The following CTNNA1 variants were observed in gnomAD, a reference collection of about 807,000 sequenced individuals.
The protein encoded by CTNNA1 is catenin alpha-1.
In CTNNA1, 37 loss-of-function variants were observed where a neutral mutation model predicts 98.4. The ratio of observed to expected loss-of-function variants is 0.38; its 90% CI spans 0.29 to 0.49. The LOEUF (loss-of-function observed/expected upper bound fraction) is 0.49. CTNNA1 is among the 20% of genes least tolerant of loss of function. The probability of loss-of-function intolerance (pLI) is 0.95; values close to 1 mark genes in which losing one functional copy is unlikely to be tolerated. For missense variants in CTNNA1, 761 were observed against 1,147.2 expected (o/e 0.66, Z 4.86); for synonymous variants, 404 against 413.2 (o/e 0.98, Z 0.27).
chr5:138,771,244 G>T (rs1753522354), intron 1 of CTNNA1, among the ~76,000 whole-genome samples: 1 of 151,128 alleles, frequency 6.6e-6, no homozygotes, highest in Non-Finnish European at 1.5e-5. Flanking sequence ...GTCCTTTGAT[G>T]AGTGCCTTTT....
At position 138,930,580 on chromosome 5, in the gene CTNNA1, C is replaced by T. The variant is rs567388162; in HGVS notation, c.2118C>T (p.Asp706=). Reference sequence around the variant, plus strand: ...TGGATGCTGAAGTGTCCAAATGGGACGACAGTGGCAATGACATCATTGTGC... The same window carrying T: ...TGGATGCTGAAGTGTCCAAATGGGATGACAGTGGCAATGACATCATTGTGC... ...SKLDAEVSKW[D]DSGNDIIVLA... is the part of the protein sequence containing the mutation. Residue 706 remains aspartate, a synonymous_variant, in exon 15 of 18, where the codon GAC becomes GAT. Transcript: ENST00000302763. 6.8e-6 allele frequency: 11 copies of T among 1,613,896 alleles called. No individual in the cohort carries two copies. The highest frequency in any genetic ancestry group is 2.7e-5 in the African/African-American group (2 of 74,998).
At chr5:138,872,609 C>G (rs1750778861) in intron 7 of CTNNA1, 1 of 155,846 alleles carries the variant, frequency 6.4e-6, no homozygotes, top group South Asian at 2.0e-4. Context: ...AGTTGTGGTA[C>G]ATGGGATGGA....
At chr5:138,830,394 C>A (rs1447804023) in intron 7 of CTNNA1, among the ~76,000 whole-genome samples, 5 of 152,114 alleles carry the variant, frequency 3.3e-5, no homozygotes, top group Non-Finnish European at 7.4e-5. Flanking sequence ...AAGAAATCTT[C>A]TTGAGATTTA....
intron 9 of CTNNA1, among the ~76,000 whole-genome samples, chr5:138,901,611 T>G (rs1009205634): frequency 2.6e-5 from 4 of 152,120 alleles, no homozygotes; most frequent in Admixed American, 2.0e-4. Flanking sequence ...TTTTAATGTA[T>G]AGAGATGGGG....
intron 7 of CTNNA1, among the ~76,000 whole-genome samples, chr5:138,876,324 AG>A (rs1751509000): frequency 6.6e-6 from 1 of 152,246 alleles, no homozygotes; most frequent in African/African-American, 2.4e-5. Context: ...TGCTGTTGTT[AG>A]AACCTGTCTT....
intron 1 of CTNNA1, among the ~76,000 whole-genome samples, chr5:138,761,507 G>A (rs368517164): frequency 2.6e-5 from 4 of 152,188 alleles, no homozygotes; most frequent in Non-Finnish European, 2.9e-5. Flanking sequence ...CTGGGATTGC[G>A]GGCTTTAGCC....
intron 7 of CTNNA1, among the ~76,000 whole-genome samples, chr5:138,883,058 A>G (rs1257012611): frequency 1.3e-5 from 2 of 152,076 alleles, no homozygotes; most frequent in Non-Finnish European, 2.9e-5. Flanking sequence ...GCTGAAACCA[A>G]AGGTTTCAGC....
chr5:138,755,013 C>T (rs1751470285), intron 1 of CTNNA1: 1 of 152,266 alleles, frequency 6.6e-6, no homozygotes, highest in Non-Finnish European at 1.5e-5. Context: ...CTGCCTCAGC[C>T]TCCCAAAGTG....
At chr5:138,815,551 G>T (rs934124794) in intron 5 of CTNNA1, among the ~76,000 whole-genome samples, 1 of 152,122 alleles carries the variant, frequency 6.6e-6, no homozygotes, top group African/African-American at 2.4e-5. Context: ...CCTGGTTTTG[G>T]TAACTGCTGC....
intron 1 of CTNNA1, among the ~76,000 whole-genome samples, chr5:138,764,766 T>C (rs7722965): frequency 0.74 from 112,650 of 151,814 alleles, 42,044 homozygotes; most frequent in East Asian, 0.99. Flanking sequence ...CCACTGTACC[T>C]GGCCAGATGA....
At chr5:138,759,955 G>A (rs1478279086) in intron 1 of CTNNA1, among the ~76,000 whole-genome samples, 1 of 145,092 alleles carries the variant, frequency 6.9e-6, no homozygotes, top group East Asian at 2.0e-4. Context: ...TTTAGAATCT[G>A]GAATCCTCTC....
Position 138,932,589 on chromosome 5 carries a change from G to A in CTNNA1, c.2310G>A (p.Ser770=), listed in dbSNP as rs147636961. The change falls in exon 17 of 18, where the codon TCG becomes TCA. Residue 770 remains serine (S), a synonymous_variant. Coordinates refer to ENST00000302763, the MANE Select transcript of CTNNA1 (RefSeq NM_001903.5). ...GRTIADHCPD[S]ACKQDLLAYL... ...TGCTCTCTCTTCAGTGCCCCGACTCGGCTTGCAAGCAGGACCTGCTGGCCT... is the reference window on the plus strand; with the variant it reads ...TGCTCTCTCTTCAGTGCCCCGACTCAGCTTGCAAGCAGGACCTGCTGGCCT... 20 of 1,614,108 alleles carry A rather than the reference G, an allele frequency of 1.2e-5. No homozygotes were observed. Among genetic ancestry groups the A allele is most frequent in the African/African-American group, 9.3e-5 (7 of 75,028 alleles).
chr5:138,881,130 G>A (rs1371297433), intron 7 of CTNNA1: 11 of 456,094 alleles, frequency 2.4e-5, no homozygotes, highest in Non-Finnish European at 4.4e-5. Context: ...GCTGGAGAGA[G>A]CAGTGAGGTA....
At chr5:138,914,417 G>A (rs13181762) in intron 10 of CTNNA1, among the ~76,000 whole-genome samples, 48,156 of 152,094 alleles carry the variant, frequency 0.32, 7,961 homozygotes, top group African/African-American at 0.41. Flanking sequence ...TTGGATGAAA[G>A]TGTGGGAGAC....
intron 9 of CTNNA1, among the ~76,000 whole-genome samples, chr5:138,896,785 ATTTC>A (rs903127107): frequency 3.9e-5 from 6 of 152,170 alleles, no homozygotes; most frequent in African/African-American, 9.7e-5. Context: ...CAAGTTCATG[ATTTC>A]TTTATGTTGC....
chr5:138,910,290 A>G (rs1440626118), intron 10 of CTNNA1, among the ~76,000 whole-genome samples: 1 of 40,090 alleles, frequency 2.5e-5, no homozygotes, highest in Non-Finnish European at 4.5e-5. Flanking sequence ...AGTTCTTTGT[A>G]TGTTTGGGAG....
chr5:138,875,498 GA>G, intron 7 of CTNNA1: 1 of 985,456 alleles, frequency 1.0e-6, no homozygotes, highest in Non-Finnish European at 1.2e-6. Context: ...AATAAAGCGA[GA>G]AAGAAGAACT....
At chr5:138,919,293 C>G (rs1407951947) in intron 11 of CTNNA1, among the ~76,000 whole-genome samples, 1 of 152,144 alleles carries the variant, frequency 6.6e-6, no homozygotes, top group Admixed American at 6.5e-5. Flanking sequence ...ACAACAAATT[C>G]TGAAATCTAA....
intron 1 of CTNNA1, among the ~76,000 whole-genome samples, chr5:138,767,080 A>G (rs1018331306): frequency 6.6e-6 from 1 of 151,974 alleles, no homozygotes; most frequent in Non-Finnish European, 1.5e-5. Flanking sequence ...TCTGTCGTCC[A>G]GGCTGGAGTG....
Sources: allele counts gnomAD v4.1 joint callset (sites outside exome capture counted in the v4.1 genomes callset), GRCh38; gene constraint gnomAD v4.1.1; transcripts MANE v1.5; gene names NCBI Gene and HGNC (gene_info 2026-07-23, HGNC 2026-07-21).